Variants in EYA4 observed in about 807,000 individuals in gnomAD.
The protein encoded by EYA4 is protein phosphatase EYA4.
A neutral mutation model predicts 87.9 loss-of-function variants in EYA4; 31 were observed. That is an observed-to-expected ratio of 0.35 (90% CI 0.27 to 0.48). The LOEUF (loss-of-function observed/expected upper bound fraction) is 0.48. EYA4 is among the 20% of genes least tolerant of loss of function. The pLI is 0.99. For missense variants in EYA4, 678 were observed against 761.4 expected (o/e 0.89, Z 1.29); for synonymous variants, 263 against 270.6 (o/e 0.97, Z 0.28).
intron 11 of EYA4, among the ~76,000 whole-genome samples, chr6:133,470,402 G>A (rs1795230343): frequency 1.2e-5 from 1 of 81,284 alleles, no homozygotes; most frequent in Non-Finnish European, 2.4e-5. Flanking sequence ...GATAGTTGTA[G>A]ATAGGCGGCA....
At chr6:133,415,792 G>A (rs1296247285) in intron 3 of EYA4, among the ~76,000 whole-genome samples, 2 of 152,110 alleles carry the variant, frequency 1.3e-5, no homozygotes, top group Non-Finnish European at 1.5e-5. Flanking sequence ...TAATGTCCAA[G>A]GTCCTGTGCC....
intron 13 of EYA4, among the ~76,000 whole-genome samples, chr6:133,497,156 G>A (rs568006506): frequency 1.4e-4 from 21 of 152,102 alleles, no homozygotes; most frequent in African/African-American, 4.3e-4. Flanking sequence ...ACCATACATA[G>A]CTCATAAGTG....
At chr6:133,278,317 C>T (rs191741820) in intron 2 of EYA4, among the ~76,000 whole-genome samples, 33 of 152,284 alleles carry the variant, frequency 2.2e-4, no homozygotes, top group African/African-American at 7.0e-4. Flanking sequence ...CCCTACCGGT[C>T]AGGGCCCTCT....
intron 2 of EYA4, among the ~76,000 whole-genome samples, chr6:133,315,997 G>A (rs1222997072): frequency 6.6e-6 from 1 of 152,098 alleles, no homozygotes; most frequent in East Asian, 1.9e-4. Flanking sequence ...TAGGCAGCAT[G>A]TACTCCAGAA....
chr6:133,451,655 A>C (rs1258480879), intron 5 of EYA4, among the ~76,000 whole-genome samples: 2 of 152,196 alleles, frequency 1.3e-5, no homozygotes, highest in South Asian at 4.1e-4. Context: ...CAGGAACCAA[A>C]AGTCTAGCAG....
intron 1 of EYA4, among the ~76,000 whole-genome samples, chr6:133,262,011 C>G (rs2128243551): frequency 6.6e-6 from 1 of 152,268 alleles, no homozygotes; most frequent in African/African-American, 2.4e-5. Flanking sequence ...CTATTTTATT[C>G]CAGTCTTTAT....
At chr6:133,383,153 T>C (rs1786380800) in intron 3 of EYA4, among the ~76,000 whole-genome samples, 1 of 152,242 alleles carries the variant, frequency 6.6e-6, no homozygotes, top group Non-Finnish European at 1.5e-5. Context: ...ACTTAACCTA[T>C]GTGTATTCAG....
At position 133,263,114 on chromosome 6, in the gene EYA4, G is replaced by A. The variant is rs77095238; in HGVS notation, c.-65-11602G>A. ...CAGACCCAGTAATGAAATTTGGAGG[G>A]CAGAGTAGGTAACTAGGTACACAAG... is the stretch of plus-strand genomic sequence containing the variant. On this transcript the variant is annotated intron_variant, in intron 1 of 19. Coordinates refer to ENST00000355286, the MANE Select transcript of EYA4 (RefSeq NM_004100.5). Among the ~76,000 whole-genome samples, 1,303 of 152,278 alleles carry A rather than the reference G, an allele frequency of 8.6e-3. 12 individuals carry two copies. Among genetic ancestry groups the A allele is most frequent in the Middle Eastern group, 0.014 (4 of 294 alleles).
rs78921867 is a variant in EYA4 at position 133,312,382 on chromosome 6, G to GCACA, written c.33+37594_33+37597dup. Among the ~76,000 whole-genome samples the GCACA allele has an allele frequency of 8.0e-3, 1,182 of 147,890 alleles. 11 individuals are homozygous for GCACA. The highest frequency in any genetic ancestry group is 0.026 in the African/African-American group (1,034 of 40,028). ...GTGTGTGTGTGAGAGAGAGGCGCGT[G>GCACA]CACACACACACACACACACACACAC... On this transcript the variant is annotated intron_variant, in intron 2 of 19. Transcript: ENST00000355286.
At chr6:133,318,125 CTTTA>C (rs1218842317) in intron 2 of EYA4, among the ~76,000 whole-genome samples, 1 of 152,144 alleles carries the variant, frequency 6.6e-6, no homozygotes, top group Non-Finnish European at 1.5e-5. Context: ...TGTCCTAGTG[CTTTA>C]TTTCTTAGCA....
Position 133,462,706 on chromosome 6 carries a change from C to T in EYA4, c.666C>T (p.Tyr222=). 1.2e-6 allele frequency: 2 copies of T among 1,613,880 alleles called. No individual in the cohort carries two copies. The highest frequency in any genetic ancestry group is 1.7e-5 in the Admixed American group (1 of 59,984). The part of the protein sequence containing the change: ...QSPLQSGCLS[Y]SPGFSTPQPG... ...CATTACAGAGTGGCTGCCTCAGTTA[C>T]AGCCCAGGGTTCTCTACCCCACAGC... Residue 222 remains tyrosine (Y), a synonymous_variant, in exon 9 of 20, where the codon TAC becomes TAT. Transcript: ENST00000355286.
rs932309364 is a variant in EYA4 at position 133,456,198 on chromosome 6, C to T, written c.278-358C>T. Among the ~76,000 whole-genome samples, 49 of 152,024 alleles carry T rather than the reference C, an allele frequency of 3.2e-4. 1 individual carries two copies. Among genetic ancestry groups the T allele is most frequent in the Non-Finnish European group, 1.0e-4 (7 of 68,016 alleles). Reference sequence around the variant, plus strand: ...AAATAAAATATAAGCTAGTAAATTTCTTTGGTATAATTTTAATTAAATGTG... The same window carrying T: ...AAATAAAATATAAGCTAGTAAATTTTTTTGGTATAATTTTAATTAAATGTG... On this transcript the variant is annotated intron_variant, in intron 5 of 19. Coordinates refer to ENST00000355286, the MANE Select transcript of EYA4 (RefSeq NM_004100.5).
chr6:133,421,471 A>G (rs1790216982), intron 3 of EYA4, among the ~76,000 whole-genome samples: 1 of 152,172 alleles, frequency 6.6e-6, no homozygotes, highest in South Asian at 2.1e-4. Flanking sequence ...ATATGCCTAA[A>G]ATTTGGTGAT....
At chr6:133,483,198 T>C in intron 13 of EYA4, 83 bp downstream of exon 13, 1 of 1,010,554 alleles carries the variant, frequency 9.9e-7, no homozygotes, top group Non-Finnish European at 1.5e-6. Flanking sequence ...TTAAAAATTC[T>C]TTTAAGTGTT....
At chr6:133,367,997 A>T (rs969038884) in intron 2 of EYA4, among the ~76,000 whole-genome samples, 1 of 152,184 alleles carries the variant, frequency 6.6e-6, no homozygotes, top group African/African-American at 2.4e-5. Flanking sequence ...AATTGGTGGC[A>T]GTATGCTGGA....
intron 1 of EYA4, among the ~76,000 whole-genome samples, chr6:133,261,840 A>G (rs1775820806): frequency 6.6e-6 from 1 of 152,230 alleles, no homozygotes; most frequent in African/African-American, 2.4e-5. Flanking sequence ...AGTGGTCTGT[A>G]TTTTTGAAAT....
At chr6:133,485,383 C>T (rs1175030298) in intron 13 of EYA4, among the ~76,000 whole-genome samples, 1 of 152,090 alleles carries the variant, frequency 6.6e-6, no homozygotes, top group African/African-American at 2.4e-5. Flanking sequence ...GCTCATGATG[C>T]GCCAGGCAGG....
intron 11 of EYA4, among the ~76,000 whole-genome samples, chr6:133,477,807 A>G (rs1343638726): frequency 7.5e-5 from 10 of 133,316 alleles, no homozygotes; most frequent in Admixed American, 5.8e-4. Flanking sequence ...AGTGAGGTTT[A>G]AGTCAGACAC....
At chr6:133,484,207 G>A (rs1562475244) in intron 13 of EYA4, among the ~76,000 whole-genome samples, 1 of 152,108 alleles carries the variant, frequency 6.6e-6, no homozygotes, top group East Asian at 1.9e-4. Context: ...GAACATGTTG[G>A]CTTACTGTCA....
Sources: gnomAD v4.1 joint callset for allele counts (sites outside exome capture counted in the v4.1 genomes callset) on GRCh38, gnomAD v4.1.1 for gene constraint, MANE v1.5 for transcripts, NCBI Gene and HGNC (gene_info 2026-07-23, HGNC 2026-07-21) for gene names.